The following DIS3L2 variants were observed in gnomAD, a reference collection of about 807,000 sequenced individuals.
DIS3L2 encodes DIS3 like 3'-5' exoribonuclease 2, also known as DIS3-like exonuclease 2.
DIS3L2 carries 34 observed loss-of-function variants against 97.5 expected under a neutral mutation model. That is an observed-to-expected ratio of 0.35 (90% confidence interval 0.27 to 0.46). DIS3L2 has a LOEUF of 0.46. DIS3L2 is among the 20% of genes least tolerant of loss of function. The probability of loss-of-function intolerance (pLI) is 1.00; values close to 1 mark genes in which losing one functional copy is unlikely to be tolerated. For missense variants in DIS3L2, 1,038 were observed against 1,146.0 expected (o/e 0.91, Z 1.36); for synonymous variants, 435 against 445.2 (o/e 0.98, Z 0.29).
At chr2:232,154,791 C>T (rs1184824746) in intron 8 of DIS3L2, among the ~76,000 whole-genome samples, 133 of 144,136 alleles carry the variant, frequency 9.2e-4, no homozygotes, top group Non-Finnish European at 1.4e-3. Context: ...GGCGGGCGCC[C>T]CTCCCCCAGC....
chr2:232,108,374 C>A (rs999106526), intron 6 of DIS3L2, among the ~76,000 whole-genome samples: 1 of 152,188 alleles, frequency 6.6e-6, no homozygotes, highest in African/African-American at 2.4e-5. Context: ...GGGAACATAC[C>A]TCAAAATAAT....
intron 13 of DIS3L2, among the ~76,000 whole-genome samples, chr2:232,272,120 C>A (rs1028219768): frequency 6.6e-6 from 1 of 152,158 alleles, no homozygotes; most frequent in South Asian, 2.1e-4. Context: ...GCTTACTCTC[C>A]TTGTAGGCAA....
chr2:232,097,356 A>G (rs1697051377), intron 6 of DIS3L2, among the ~76,000 whole-genome samples: 1 of 152,100 alleles, frequency 6.6e-6, no homozygotes, highest in Admixed American at 6.5e-5. Flanking sequence ...ACTGTGTTGG[A>G]TCAGACCTGA....
chr2:232,195,243 G>A (rs1213793787), intron 9 of DIS3L2, among the ~76,000 whole-genome samples: 1 of 152,142 alleles, frequency 6.6e-6, no homozygotes, highest in Non-Finnish European at 1.5e-5. Flanking sequence ...AATTTGTTTT[G>A]TTTTGTTTTT....
At chr2:232,310,837 G>T (rs1695107224) in intron 14 of DIS3L2, among the ~76,000 whole-genome samples, 1 of 152,228 alleles carries the variant, frequency 6.6e-6, no homozygotes, top group Admixed American at 6.5e-5. Flanking sequence ...AGCAAGGCCT[G>T]GGGCAGCACA....
At chr2:231,972,849 A>G (rs986667549) in intron 1 of DIS3L2, among the ~76,000 whole-genome samples, 2 of 152,146 alleles carry the variant, frequency 1.3e-5, no homozygotes, top group Non-Finnish European at 2.9e-5. Context: ...TGGTCCTAAA[A>G]GTAACCTTTC....
chr2:232,126,435 C>G (rs1326137354), intron 6 of DIS3L2, among the ~76,000 whole-genome samples: 1 of 152,240 alleles, frequency 6.6e-6, no homozygotes, highest in African/African-American at 2.4e-5. Context: ...TCAGCTCATT[C>G]TGTTGTACTG....
chr2:232,114,695 A>G (rs1697647366), intron 6 of DIS3L2, among the ~76,000 whole-genome samples: 1 of 152,176 alleles, frequency 6.6e-6, no homozygotes, highest in Non-Finnish European at 1.5e-5. Context: ...CCAGAGCACA[A>G]CCTGGAAGAT....
In DIS3L2 at chr2:232,330,695, C is replaced by T. The variant is rs1695709352; in HGVS notation, c.1929C>T (p.Ser643=). ...TTTCTGGGATTTGCTTCTAGAAAAG[C>T]CTGACCCAAACATTTGGAGATGACA... ...DFSSAGALNK[S]LTQTFGDDKY... The change falls in exon 16 of 21, where the codon AGC becomes AGT. Residue 643 remains serine (S), a synonymous_variant. Transcript: ENST00000325385. 2 of 1,613,930 alleles carry T rather than the reference C, an allele frequency of 1.2e-6. No individual in the cohort carries two copies. Among genetic ancestry groups the T allele is most frequent in the South Asian group, 2.2e-5 (2 of 91,092 alleles).
intron 5 of DIS3L2, among the ~76,000 whole-genome samples, chr2:232,085,085 T>C (rs1206628523): frequency 6.6e-6 from 1 of 152,178 alleles, no homozygotes; most frequent in Admixed American, 6.6e-5. Flanking sequence ...ATTAGAACAT[T>C]AGACCTATCA....
intron 5 of DIS3L2, among the ~76,000 whole-genome samples, chr2:232,066,315 T>C (rs1695855946): frequency 6.6e-6 from 1 of 152,022 alleles, no homozygotes; most frequent in South Asian, 2.1e-4. Context: ...CCTTATAGTC[T>C]TAGTGGAATT....
At chr2:232,249,162 T>C in intron 11 of DIS3L2, 77 bp from the exon 12 acceptor site, 2 of 1,409,340 alleles carry the variant, frequency 1.4e-6, no homozygotes, top group Non-Finnish European at 2.0e-6. Flanking sequence ...CTGAAGCTGT[T>C]CACCAAAACT....
chr2:232,229,466 C>G (rs149256686), intron 10 of DIS3L2, among the ~76,000 whole-genome samples: 1 of 152,352 alleles, frequency 6.6e-6, no homozygotes, highest in East Asian at 1.9e-4. Context: ...AGCCTGTGCT[C>G]TGTCCCAGGC....
At chr2:232,332,912 G>A (rs547522977) in intron 16 of DIS3L2, among the ~76,000 whole-genome samples, 60 of 152,222 alleles carry the variant, frequency 3.9e-4, no homozygotes, top group African/African-American at 1.4e-3. Flanking sequence ...AGAGCCTGAG[G>A]CCCGTATTGC....
intron 6 of DIS3L2, among the ~76,000 whole-genome samples, chr2:232,100,723 CTTTATAG>C (rs1231380353): frequency 6.6e-5 from 10 of 150,632 alleles, no homozygotes; most frequent in African/African-American, 2.2e-4. Context: ...ATATTTAATT[CTTTATAG>C]TTTATGGATA....
intron 5 of DIS3L2, among the ~76,000 whole-genome samples, chr2:232,050,635 T>C (rs1446488791): frequency 1.3e-5 from 2 of 152,194 alleles, no homozygotes; most frequent in Non-Finnish European, 2.9e-5. Context: ...TACGTTCTTT[T>C]CCAGATAGAT....
intron 13 of DIS3L2, among the ~76,000 whole-genome samples, chr2:232,277,795 T>C (rs902620469): frequency 6.6e-6 from 1 of 152,214 alleles, no homozygotes; most frequent in Non-Finnish European, 1.5e-5. Flanking sequence ...TGGGATAGCC[T>C]ACGACCCACC....
rs12620618 is a variant in DIS3L2 at position 232,012,799 on chromosome 2, G to A, written c.-93-2036G>A. Among the ~76,000 whole-genome samples the A allele has an allele frequency of 0.044, 6,705 of 152,156 alleles. 806 individuals are homozygous for A. The East Asian group carries it at 0.46, about 10-fold the overall frequency. ...TAATAGGCCTTCACAATGATGTCAC[G>A]GGGAAGGGAATGTTGCTTGTTCGTT... On this transcript the variant is annotated intron_variant, in intron 1 of 20. Coordinates refer to ENST00000325385, the MANE Select transcript of DIS3L2 (RefSeq NM_152383.5).
At chr2:232,103,490 A>G (rs2106325760) in intron 6 of DIS3L2, among the ~76,000 whole-genome samples, 1 of 152,326 alleles carries the variant, frequency 6.6e-6, no homozygotes, top group East Asian at 1.9e-4. Context: ...TGGCTTGTTA[A>G]CATGATGACA....
Sources: gnomAD v4.1 joint callset for allele counts (sites outside exome capture counted in the v4.1 genomes callset) on GRCh38, gnomAD v4.1.1 for gene constraint, MANE v1.5 for transcripts, NCBI Gene and HGNC (gene_info 2026-07-23, HGNC 2026-07-21) for gene names.